Variants in VEPH1 observed in about 807,000 individuals in gnomAD.
VEPH1 encodes the protein ventricular zone expressed PH domain containing 1.
A neutral mutation model predicts 85.2 loss-of-function variants in VEPH1; 80 were observed. The observed-to-expected ratio is 0.94, with a 90% CI of 0.78 to 1.13. The LOEUF (loss-of-function observed/expected upper bound fraction) is 1.13, where lower values mean the gene tolerates loss of function less well. Ranked by LOEUF, VEPH1 falls within the 50% of genes most tolerant of loss-of-function variation. The probability of loss-of-function intolerance (pLI) is 0.00; values close to 1 mark genes in which losing one functional copy is unlikely to be tolerated. For missense variants in VEPH1, 955 were observed against 980.5 expected (o/e 0.97, Z 0.35); for synonymous variants, 297 against 348.0 (o/e 0.85, Z 1.63).
intron 11 of VEPH1, among the ~76,000 whole-genome samples, chr3:157,290,592 A>G (rs1364128746): frequency 6.6e-6 from 1 of 152,166 alleles, no homozygotes; most frequent in Non-Finnish European, 1.5e-5. Flanking sequence ...TACACTCCAA[A>G]TCAGGCCTCA....
At chr3:157,433,418 G>T (rs930877470) in intron 4 of VEPH1, among the ~76,000 whole-genome samples, 2 of 152,064 alleles carry the variant, frequency 1.3e-5, no homozygotes, top group African/African-American at 4.8e-5. Flanking sequence ...TTTCTAGTTT[G>T]ATTATTTTGA....
chr3:157,310,896 C>G (rs1720034361), intron 11 of VEPH1, among the ~76,000 whole-genome samples: 2 of 152,152 alleles, frequency 1.3e-5, no homozygotes, highest in African/African-American at 4.8e-5. Context: ...AAATGTGATC[C>G]TCTCCTGGGC....
intron 9 of VEPH1, among the ~76,000 whole-genome samples, chr3:157,349,646 C>CA (rs1322637374): frequency 6.6e-6 from 1 of 151,904 alleles, no homozygotes. Context: ...AAGATGCTAC[C>CA]AAAAAACTCT....
At chr3:157,442,670 G>T (rs1734222912) in intron 4 of VEPH1, 2 of 1,614,226 alleles carry the variant, frequency 1.2e-6, no homozygotes, top group East Asian at 2.2e-5. Context: ...CAGAGGAAGG[G>T]CTCACATCCT....
At chr3:157,315,600 GA>G (rs1327265215) in intron 10 of VEPH1, among the ~76,000 whole-genome samples, 3 of 151,914 alleles carry the variant, frequency 2.0e-5, no homozygotes, top group Non-Finnish European at 4.4e-5. Context: ...TTATTTACCC[GA>G]AAGCCAGAAT....
rs1577168075 is a variant in VEPH1 at position 157,260,899 on chromosome 3, A to C, written c.*235T>G. On this transcript the variant is annotated 3_prime_UTR_variant, in exon 14 of 14. Coordinates refer to ENST00000362010, the MANE Select transcript of VEPH1 (RefSeq NM_001167912.2). Reference sequence around the variant, plus strand: ...GAGGGCATACTCTGTAGCTCCTTTTATTTTATTTTATTTTTGTGGGCATCA... The same window carrying C: ...GAGGGCATACTCTGTAGCTCCTTTTCTTTTATTTTATTTTTGTGGGCATCA... 1 of 187,696 alleles carries C rather than the reference A, an allele frequency of 5.3e-6. No individual in the cohort carries two copies. Among genetic ancestry groups the C allele is most frequent in the Non-Finnish European group, 8.2e-6 (1 of 121,276 alleles). 11.6% of individuals were successfully genotyped at this position (187,696 alleles called of 1,614,324 possible).
chr3:157,304,023 T>TATATATATAAA (rs1553761055), intron 11 of VEPH1, among the ~76,000 whole-genome samples: 1 of 89,134 alleles, frequency 1.1e-5, no homozygotes, highest in African/African-American at 5.1e-5. Flanking sequence ...CTTATATTTT[T>TATATATATAAA]TATATATATA....
intron 11 of VEPH1, among the ~76,000 whole-genome samples, chr3:157,296,045 A>G (rs1462329440): frequency 6.6e-6 from 1 of 152,238 alleles, no homozygotes; most frequent in East Asian, 1.9e-4. Flanking sequence ...CTCTACATGT[A>G]TGAACAGATA....
At chr3:157,473,239 AT>A (rs1420908400) in intron 2 of VEPH1, among the ~76,000 whole-genome samples, 12 of 151,516 alleles carry the variant, frequency 7.9e-5, no homozygotes, top group Non-Finnish European at 1.5e-4. Context: ...CGCCCGGCTA[AT>A]TTTTTGGATT....
intron 12 of VEPH1, among the ~76,000 whole-genome samples, chr3:157,279,472 A>T (rs1430001689): frequency 6.6e-6 from 1 of 152,128 alleles, no homozygotes; most frequent in African/African-American, 2.4e-5. Flanking sequence ...GTGGATAGAG[A>T]GAGACAACTC....
Position 157,495,359 on chromosome 3 carries a change from G to A in VEPH1, c.-10C>T. ...TGAACAGTTGATGCATGGTGAGGAT[G>A]AGTTTGATCAGTTGACTTTCTACAG... On this transcript the variant is annotated 5_prime_UTR_variant, in exon 2 of 14. Coordinates refer to ENST00000362010, the MANE Select transcript of VEPH1 (RefSeq NM_001167912.2). The A allele has an allele frequency of 1.2e-6, 2 of 1,613,236 alleles. No homozygotes were observed. The highest frequency in any genetic ancestry group is 1.1e-5 in the South Asian group (1 of 90,858).
rs377759596 is a variant in VEPH1 at position 157,364,381 on chromosome 3, C to G, written c.1259G>C (p.Ser420Thr). ...TCTTCTGATAGAGCCAGGGGTATTG[C>G]TCCCTGCATTTATCTTGTCTTCAAA... is the stretch of plus-strand genomic sequence containing the variant. ...QAFEDKINAG[S>T]NTPGSIRRYS... The change falls in exon 8 of 14, where the codon AGC becomes ACC. Residue 420 changes from serine (S) to threonine (T), a missense_variant. Physicochemically the swap from Ser to Thr is moderately conservative, Grantham distance 58 (BLOSUM62 1). Transcript: ENST00000362010. The G allele has an allele frequency of 6.2e-7, 1 of 1,613,998 alleles. No homozygotes were observed. The highest frequency in any genetic ancestry group is 1.1e-5 in the South Asian group (1 of 91,080).
intron 6 of VEPH1, among the ~76,000 whole-genome samples, chr3:157,399,520 T>C (rs1423207714): frequency 2.0e-5 from 3 of 152,160 alleles, no homozygotes; most frequent in Non-Finnish European, 4.4e-5. Flanking sequence ...AGTAAAAATA[T>C]TGCAGTCTTC....
chr3:157,410,442 T>A (rs77732617), intron 6 of VEPH1, among the ~76,000 whole-genome samples: 10,654 of 152,148 alleles, frequency 0.07, 561 homozygotes, highest in South Asian at 0.22. Context: ...TCAATGTACC[T>A]CAGGAACTTC....
At chr3:157,294,501 T>G (rs977918509) in intron 11 of VEPH1, among the ~76,000 whole-genome samples, 1 of 152,242 alleles carries the variant, frequency 6.6e-6, no homozygotes, top group African/African-American at 2.4e-5. Flanking sequence ...CCTCTACAGC[T>G]GCACAGTGAT....
intron 11 of VEPH1, among the ~76,000 whole-genome samples, chr3:157,287,562 T>G (rs1309379830): frequency 1.3e-5 from 2 of 151,960 alleles, no homozygotes; most frequent in African/African-American, 4.8e-5. Context: ...TTTTTTTAAT[T>G]TTTACTTTTA....
At chr3:157,437,929 G>C in intron 4 of VEPH1, 1 of 1,528,610 alleles carries the variant, frequency 6.5e-7, no homozygotes, top group Non-Finnish European at 8.7e-7. Context: ...GGAGGCAAGC[G>C]GGGCCGGGAC....
intron 9 of VEPH1, among the ~76,000 whole-genome samples, chr3:157,317,659 G>C (rs992538012): frequency 6.6e-6 from 1 of 152,176 alleles, no homozygotes; most frequent in Non-Finnish European, 1.5e-5. Context: ...TCTGGCTGAG[G>C]TGTAGCTTCC....
chr3:157,437,886 C>T (rs925263337), intron 4 of VEPH1: 1 of 1,519,562 alleles, frequency 6.6e-7, no homozygotes, highest in Non-Finnish European at 8.8e-7. Flanking sequence ...CGGTGCAGGG[C>T]TGGGCTGCCC....
Sources: gnomAD v4.1 joint callset for allele counts (sites outside exome capture counted in the v4.1 genomes callset) on GRCh38, gnomAD v4.1.1 for gene constraint, MANE v1.5 for transcripts, NCBI Gene and HGNC (gene_info 2026-07-23, HGNC 2026-07-21) for gene names.